PLCL1: variants seen among roughly 807,000 people sequenced by gnomAD.
The protein encoded by PLCL1 is phospholipase C like 1 (inactive), also known as inactive phospholipase C-like protein 1.
Under a neutral mutation model 84.4 loss-of-function variants are expected in PLCL1, and 41 were observed. The ratio of observed to expected loss-of-function variants is 0.49; its 90% confidence interval spans 0.38 to 0.63. The LOEUF is 0.63. Ranked by LOEUF, PLCL1 falls within the 30% of genes least tolerant of loss-of-function variation. PLCL1 has a pLI of 0.00. For synonymous variants in PLCL1, 490 were observed against 488.3 expected, an observed-to-expected ratio of 1.00 and a Z score of -0.05; for missense variants, 1,206 against 1,367.8, an observed-to-expected ratio of 0.88 and a Z score of 1.87.
At chr2:197,841,334 G>A (rs1024969376) in intron 1 of PLCL1, among the ~76,000 whole-genome samples, 5 of 152,118 alleles carry the variant, frequency 3.3e-5, no homozygotes, top group Admixed American at 1.3e-4. Context: ...ACCATACAGA[G>A]TAGTGGCACC....
chr2:197,955,286 C>G (rs976721350), intron 1 of PLCL1, among the ~76,000 whole-genome samples: 2 of 152,008 alleles, frequency 1.3e-5, no homozygotes, highest in African/African-American at 4.8e-5. Flanking sequence ...AAATAAAACC[C>G]AAACACTGCA....
At chr2:198,133,147 C>G (rs1292284549) in intron 5 of PLCL1, among the ~76,000 whole-genome samples, 1 of 151,990 alleles carries the variant, frequency 6.6e-6, no homozygotes, top group Non-Finnish European at 1.5e-5. Flanking sequence ...CAATGATAGA[C>G]TGGATTAAGA....
At chr2:197,871,086 A>G (rs1469942858) in intron 1 of PLCL1, among the ~76,000 whole-genome samples, 2 of 152,098 alleles carry the variant, frequency 1.3e-5, no homozygotes, top group Non-Finnish European at 2.9e-5. Context: ...CTAATGCCAT[A>G]CAGAGAGGCT....
chr2:197,870,036 T>G (rs537212539), intron 1 of PLCL1, among the ~76,000 whole-genome samples: 1 of 152,252 alleles, frequency 6.6e-6, no homozygotes, highest in Non-Finnish European at 1.5e-5. Context: ...AAGATTCCCG[T>G]GTATCTGGGC....
intron 1 of PLCL1, among the ~76,000 whole-genome samples, chr2:197,932,277 T>C (rs906076969): frequency 2.0e-5 from 3 of 152,248 alleles, no homozygotes; most frequent in Non-Finnish European, 1.5e-5. Context: ...TAGGAATTGC[T>C]GTCTAGGACC....
rs547091841 is a variant in PLCL1, at chr2:198,096,503, A to G, written c.2920-4782A>G. Among the ~76,000 whole-genome samples, 456 of 152,270 alleles carry G rather than the reference A, an allele frequency of 3.0e-3. 2 individuals carry two copies. Among genetic ancestry groups the G allele is most frequent in the African/African-American group, 0.01 (436 of 41,542 alleles). ...TTTCCATTATTTTAAGTTGTTATGA[A>G]AAATATTTGGGTAATATCTTAAATA... is the stretch of plus-strand genomic sequence containing the variant. On this transcript the variant is annotated intron_variant, in intron 3 of 5. Coordinates refer to ENST00000428675, the MANE Select transcript of PLCL1 (RefSeq NM_006226.4).
chr2:198,085,730 G>A lies in PLCL1; in HGVS notation c.2213G>A (p.Gly738Glu). 1 of 1,614,120 alleles carries A rather than the reference G, an allele frequency of 6.2e-7. No individual in the cohort carries two copies. The highest frequency in any genetic ancestry group is 8.5e-7 in the Non-Finnish European group (1 of 1,179,988). Residue 738 changes from glycine to glutamate, a missense_variant, in exon 2 of 6, where the codon GGA becomes GAA. By Grantham distance (98) the Gly-to-Glu change is moderately conservative. Transcript: ENST00000428675. The surrounding 1 kb of genome is among the most constrained non-coding windows in gnomAD (Gnocchi z 5.3). The part of the protein sequence containing the change: ...ISGQNFPKPK[G>E]ACAKGDVIDP... ...GGTCAGAATTTCCCAAAGCCCAAGG[G>A]AGCTTGTGCCAAAGGGGATGTCATA...
intron 1 of PLCL1, among the ~76,000 whole-genome samples, chr2:197,839,406 G>A (rs1478308700): frequency 1.3e-5 from 2 of 152,158 alleles, no homozygotes; most frequent in Admixed American, 1.3e-4. Flanking sequence ...ATCATCAGGC[G>A]TTAGTTATTT....
At chr2:198,069,613 A>C (rs1250853253) in intron 1 of PLCL1, among the ~76,000 whole-genome samples, 1 of 152,160 alleles carries the variant, frequency 6.6e-6, no homozygotes, top group East Asian at 1.9e-4. Flanking sequence ...TTATATTCTC[A>C]TTCTGCAGAT....
chr2:197,810,994 A>C (rs1206081862), intron 1 of PLCL1, among the ~76,000 whole-genome samples: 1 of 152,238 alleles, frequency 6.6e-6, no homozygotes, highest in Non-Finnish European at 1.5e-5. Flanking sequence ...TTACATTGAA[A>C]TCTAAGGTAA....
At chr2:197,857,545 T>C (rs1687353766) in intron 1 of PLCL1, among the ~76,000 whole-genome samples, 1 of 152,174 alleles carries the variant, frequency 6.6e-6, no homozygotes, top group Non-Finnish European at 1.5e-5. Context: ...AGCTAGGAAT[T>C]CCTTGCAAAC....
At chr2:198,060,375 T>C (rs1325246084) in intron 1 of PLCL1, among the ~76,000 whole-genome samples, 1 of 152,212 alleles carries the variant, frequency 6.6e-6, no homozygotes, top group Non-Finnish European at 1.5e-5. Context: ...TGTTAAGTCA[T>C]TACAGATGTT....
chr2:197,866,697 T>A (rs191075622), intron 1 of PLCL1, among the ~76,000 whole-genome samples: 44 of 152,288 alleles, frequency 2.9e-4, no homozygotes, highest in African/African-American at 1.0e-3. Context: ...TGTTTTGCAC[T>A]AGTTCTGAAA....
At chr2:198,053,076 A>T (rs1489867849) in intron 1 of PLCL1, among the ~76,000 whole-genome samples, 1 of 152,224 alleles carries the variant, frequency 6.6e-6, no homozygotes, top group East Asian at 1.9e-4. Context: ...GCTGCAGGAT[A>T]GAACCCTAGG....
chr2:197,892,905 G>C (rs1363555955), intron 1 of PLCL1, among the ~76,000 whole-genome samples: 1 of 152,172 alleles, frequency 6.6e-6, no homozygotes, highest in East Asian at 1.9e-4. Flanking sequence ...TGAGGCAGGA[G>C]AATCGCTTGA....
intron 1 of PLCL1, among the ~76,000 whole-genome samples, chr2:197,893,537 G>A (rs1265962419): frequency 6.6e-6 from 1 of 152,164 alleles, no homozygotes; most frequent in East Asian, 1.9e-4. Context: ...TGTGAAATAG[G>A]CAGCACAGGC....
chr2:197,823,702 CTCTGT>C (rs1690864811), intron 1 of PLCL1, among the ~76,000 whole-genome samples: 1 of 152,078 alleles, frequency 6.6e-6, no homozygotes, highest in Non-Finnish European at 1.5e-5. Context: ...GTTCCAGTGT[CTCTGT>C]TCATATTGGT....
At chr2:197,887,624 A>G (rs946753676) in intron 1 of PLCL1, among the ~76,000 whole-genome samples, 2 of 152,180 alleles carry the variant, frequency 1.3e-5, no homozygotes. Context: ...TTTCAGAGGT[A>G]CAAGCACAGT....
intron 1 of PLCL1, among the ~76,000 whole-genome samples, chr2:197,984,489 T>C (rs1690180376): frequency 6.6e-6 from 1 of 152,182 alleles, no homozygotes; most frequent in African/African-American, 2.4e-5. Flanking sequence ...AAATAACCCA[T>C]TTAAATATGC....
Sources: gnomAD v4.1 joint callset for allele counts (sites outside exome capture counted in the v4.1 genomes callset) on GRCh38, gnomAD v4.1.1 for gene constraint, Gnocchi (gnomAD v3.1) non-coding constraint, MANE v1.5 for transcripts, NCBI Gene and HGNC (gene_info 2026-07-23, HGNC 2026-07-21) for gene names.